Variants in MAGI1 observed in about 807,000 individuals in gnomAD.
The protein encoded by MAGI1 is membrane associated guanylate kinase, WW and PDZ domain containing 1.
MAGI1 carries 58 observed loss-of-function variants against 139.9 expected under a neutral mutation model. The ratio of observed to expected loss-of-function variants is 0.41; its 90% CI spans 0.34 to 0.52. MAGI1 has a LOEUF of 0.52. Among genes scored for constraint, MAGI1 ranks in the 20% least tolerant of loss-of-function variants. MAGI1 has a pLI of 0.12. For synonymous variants in MAGI1, 812 were observed against 737.9 expected (o/e 1.10, Z -1.63); for missense variants, 1,874 against 1,901.6 (o/e 0.99, Z 0.27).
At chr3:65,686,605 T>C (rs2088056803) in intron 1 of MAGI1, among the ~76,000 whole-genome samples, 1 of 152,170 alleles carries the variant, frequency 6.6e-6, no homozygotes, top group African/African-American at 2.4e-5. Flanking sequence ...AGGGTTGTTT[T>C]CTAAATGCAG....
chr3:65,622,656 C>T (rs757092588), intron 1 of MAGI1, among the ~76,000 whole-genome samples: 3 of 152,082 alleles, frequency 2.0e-5, no homozygotes, highest in Non-Finnish European at 4.4e-5. Flanking sequence ...CTCCGCCTCA[C>T]AGATTCAAGC....
chr3:65,490,253 T>C (rs1951907365), intron 3 of MAGI1, among the ~76,000 whole-genome samples: 2 of 152,100 alleles, frequency 1.3e-5, no homozygotes, highest in African/African-American at 4.8e-5. Context: ...ATTTTACCAA[T>C]GGGAAAATGG....
intron 1 of MAGI1, among the ~76,000 whole-genome samples, chr3:65,656,211 T>C (rs768080608): frequency 2.0e-5 from 3 of 152,184 alleles, no homozygotes; most frequent in Admixed American, 6.5e-5. Context: ...GGACCATATA[T>C]TGAGAAAATT....
chr3:65,992,136 T>C (rs892922405), intron 1 of MAGI1, among the ~76,000 whole-genome samples: 3 of 152,184 alleles, frequency 2.0e-5, no homozygotes, highest in Non-Finnish European at 4.4e-5. Flanking sequence ...ATGGGTAAGT[T>C]AACCTCACAA....
chr3:65,769,562 C>A (rs1288953916), intron 1 of MAGI1, among the ~76,000 whole-genome samples: 1 of 152,042 alleles, frequency 6.6e-6, no homozygotes, highest in Non-Finnish European at 1.5e-5. Flanking sequence ...AGTCCCAGGC[C>A]CCATCCAGGT....
At chr3:66,026,222 G>A (rs1335867353) in intron 1 of MAGI1, among the ~76,000 whole-genome samples, 1 of 151,936 alleles carries the variant, frequency 6.6e-6, no homozygotes, top group African/African-American at 2.4e-5. Flanking sequence ...TACCTTCCAC[G>A]GCCACATTAC....
At chr3:65,425,110 A>T (rs1299071639) in intron 12 of MAGI1, among the ~76,000 whole-genome samples, 3 of 79,436 alleles carry the variant, frequency 3.8e-5, no homozygotes, top group Non-Finnish European at 5.8e-5. Flanking sequence ...AGAACTTCTA[A>T]AAAAAAAAAA....
chr3:65,982,474 C>T (rs1245545558), intron 1 of MAGI1, among the ~76,000 whole-genome samples: 2 of 152,206 alleles, frequency 1.3e-5, no homozygotes, highest in Non-Finnish European at 2.9e-5. Flanking sequence ...ACCTGGGCAA[C>T]TTCCATGGTG....
chr3:65,987,683 C>T lies in MAGI1; in HGVS notation c.313+50313G>A, dbSNP rs566327033. Among the ~76,000 whole-genome samples, 130 of 152,352 alleles carry T rather than the reference C, an allele frequency of 8.5e-4. 4 individuals carry two copies. In the South Asian group the frequency reaches 0.019, roughly 22 times the overall value. On this transcript the variant is annotated intron_variant, in intron 1 of 22. Coordinates refer to ENST00000402939, the MANE Select transcript of MAGI1 (RefSeq NM_001033057.2). The stretch of plus-strand genomic sequence containing the variant: ...GATCCCCACACACTGCAACCTCTGC[C>T]TCCTGGGCCCAAGCAATTCGGGACT...
intron 1 of MAGI1, among the ~76,000 whole-genome samples, chr3:65,741,122 C>T (rs1055026335): frequency 6.6e-6 from 1 of 151,908 alleles, no homozygotes; most frequent in Middle Eastern, 3.4e-3. Context: ...CCAGAGAGAA[C>T]TTGATCAACT....
chr3:65,500,378 A>T (rs1274184460), intron 2 of MAGI1, among the ~76,000 whole-genome samples: 1 of 152,186 alleles, frequency 6.6e-6, no homozygotes, highest in Non-Finnish European at 1.5e-5. Context: ...AAGAATTAGC[A>T]ATGCCCCCAA....
At chr3:65,629,537 T>C (rs146544645) in intron 1 of MAGI1, among the ~76,000 whole-genome samples, 395 of 147,390 alleles carry the variant, frequency 2.7e-3, no homozygotes, top group African/African-American at 8.9e-3. Flanking sequence ...ACAAATGGTA[T>C]GTACTGCAGT....
chr3:65,746,752 T>C (rs1435045745), intron 1 of MAGI1, among the ~76,000 whole-genome samples: 2 of 152,206 alleles, frequency 1.3e-5, no homozygotes, highest in African/African-American at 2.4e-5. Flanking sequence ...TCTTCACTGG[T>C]GAATATCTGG....
intron 2 of MAGI1, among the ~76,000 whole-genome samples, chr3:65,615,104 AG>A (rs1456920153): frequency 6.6e-6 from 1 of 152,168 alleles, no homozygotes; most frequent in African/African-American, 2.4e-5. Context: ...TATCAATAGA[AG>A]TAACTGACAT....
chr3:65,607,416 C>T (rs1219503975), intron 2 of MAGI1, among the ~76,000 whole-genome samples: 1 of 152,090 alleles, frequency 6.6e-6, no homozygotes, highest in African/African-American at 2.4e-5. Flanking sequence ...TCACCTTCAA[C>T]ATCATCCTCA....
chr3:65,973,055 T>C (rs2065082804), intron 1 of MAGI1, among the ~76,000 whole-genome samples: 1 of 152,032 alleles, frequency 6.6e-6, no homozygotes, highest in Non-Finnish European at 1.5e-5. Flanking sequence ...GAGGCTGAGA[T>C]GGGATGATCA....
chr3:65,673,838 A>G (rs2087011213), intron 1 of MAGI1, among the ~76,000 whole-genome samples: 1 of 152,196 alleles, frequency 6.6e-6, no homozygotes, highest in African/African-American at 2.4e-5. Context: ...TATTTCACCT[A>G]TAGTCCTAAA....
chr3:65,776,905 G>C (rs540820549), intron 1 of MAGI1, among the ~76,000 whole-genome samples: 1 of 152,186 alleles, frequency 6.6e-6, no homozygotes, highest in East Asian at 1.9e-4. Context: ...GGTTATGTCT[G>C]CACTGAACAG....
chr3:65,580,675 T>C (rs1026372572), intron 2 of MAGI1, among the ~76,000 whole-genome samples: 1 of 151,274 alleles, frequency 6.6e-6, no homozygotes, highest in Non-Finnish European at 1.5e-5. Flanking sequence ...TGAAGGACAA[T>C]AAAAAAAAAT....
Sources: gnomAD v4.1 joint callset for allele counts (sites outside exome capture counted in the v4.1 genomes callset) on GRCh38, gnomAD v4.1.1 for gene constraint, MANE v1.5 for transcripts, NCBI Gene and HGNC (gene_info 2026-07-23, HGNC 2026-07-21) for gene names.